Variants in SLC24A3 observed in about 807,000 individuals in gnomAD.
The protein encoded by SLC24A3 is solute carrier family 24 member 3.
SLC24A3 carries 28 observed loss-of-function variants against 75.8 expected under a neutral mutation model. The observed-to-expected ratio is 0.37, with a 90% CI of 0.27 to 0.51. The LOEUF is 0.51. SLC24A3 is among the 20% of genes least tolerant of loss of function. The pLI is 0.94. For synonymous variants in SLC24A3, 372 were observed against 334.1 expected (o/e 1.11, Z -1.24); for missense variants, 663 against 847.8 (o/e 0.78, Z 2.71).
intron 2 of SLC24A3, among the ~76,000 whole-genome samples, chr20:19,410,295 C>G (rs1266546625): frequency 2.0e-5 from 3 of 152,146 alleles, no homozygotes; most frequent in Admixed American, 2.0e-4. Context: ...AGGCATTAGA[C>G]AGTGTCCTTG....
Position 19,654,105 on chromosome 20 carries a change from A to G in SLC24A3, c.656A>G (p.Tyr219Cys). ...SSWCLLRDSI[Y>C]YTLSVIALIV... is the part of the protein sequence containing the mutation. ...TGGTGCCTGCTGAGGGATTCTATTT[A>G]CTACACGCTGTCTGTGATCGCGCTC... Residue 219 changes from tyrosine to cysteine, a missense_variant, in exon 7 of 17, where the codon TAC becomes TGC. This residue lies in a region of SLC24A3 where 510 missense variants were observed against 703.6 expected (regional missense o/e 0.72). Coordinates refer to ENST00000328041, the MANE Select transcript of SLC24A3 (RefSeq NM_020689.4). The G allele has an allele frequency of 1.2e-6, 2 of 1,613,668 alleles. No homozygotes were observed. The highest frequency in any genetic ancestry group is 1.7e-6 in the Non-Finnish European group (2 of 1,179,738).
chr20:19,264,831 C>T (rs1192165716), intron 1 of SLC24A3, among the ~76,000 whole-genome samples: 1 of 152,060 alleles, frequency 6.6e-6, no homozygotes, highest in Non-Finnish European at 1.5e-5. Context: ...GCCACAGCCT[C>T]ATTCTTCACG....
intron 6 of SLC24A3, among the ~76,000 whole-genome samples, chr20:19,637,366 G>A (rs1038997053): frequency 6.6e-6 from 1 of 152,124 alleles, no homozygotes; most frequent in Admixed American, 6.5e-5. Context: ...ATAATGAAAA[G>A]GACCAAAATA....
At chr20:19,710,814 T>C (rs1276550566) in intron 15 of SLC24A3, among the ~76,000 whole-genome samples, 1 of 152,258 alleles carries the variant, frequency 6.6e-6, no homozygotes, top group Non-Finnish European at 1.5e-5. Context: ...TACATGAGTA[T>C]AGGTATTTGT....
chr20:19,346,224 A>ATATATGGTATATATATATGGTGTATATG (rs1985413835), intron 2 of SLC24A3, among the ~76,000 whole-genome samples: 1 of 96,080 alleles, frequency 1.0e-5, no homozygotes, highest in Non-Finnish European at 1.9e-5. Flanking sequence ...GTGTATATGT[A>ATATATGGTATATATATATGGTGTATATG]TATATGGTAT....
chr20:19,405,712 CAA>C (rs903620600), intron 2 of SLC24A3, among the ~76,000 whole-genome samples: 18 of 152,132 alleles, frequency 1.2e-4, no homozygotes, highest in African/African-American at 4.3e-4. Flanking sequence ...CAGTTTAAAA[CAA>C]AATCACAAGC....
At chr20:19,346,434 G>T (rs1985431695) in intron 2 of SLC24A3, among the ~76,000 whole-genome samples, 1 of 146,444 alleles carries the variant, frequency 6.8e-6, no homozygotes, top group Non-Finnish European at 1.5e-5. Flanking sequence ...TGTATATATG[G>T]TGTATATATA....
At chr20:19,446,416 A>G (rs1416822536) in intron 2 of SLC24A3, among the ~76,000 whole-genome samples, 1 of 152,238 alleles carries the variant, frequency 6.6e-6, no homozygotes, top group African/African-American at 2.4e-5. Flanking sequence ...TTCTCCATCC[A>G]TGGATTGCAT....
At chr20:19,601,505 C>T (rs952364349) in intron 6 of SLC24A3, among the ~76,000 whole-genome samples, 1 of 152,192 alleles carries the variant, frequency 6.6e-6, no homozygotes, top group Non-Finnish European at 1.5e-5. Flanking sequence ...AGATCACAGA[C>T]CCAGGGTGAA....
chr20:19,578,945 C>T (rs1325654803), intron 3 of SLC24A3, among the ~76,000 whole-genome samples: 1 of 152,088 alleles, frequency 6.6e-6, no homozygotes, highest in Admixed American at 6.5e-5. Flanking sequence ...AATGAGGGCT[C>T]CCAGCTTCCT....
chr20:19,533,990 G>A (rs1302486545), intron 3 of SLC24A3, among the ~76,000 whole-genome samples: 1 of 152,226 alleles, frequency 6.6e-6, no homozygotes, highest in Non-Finnish European at 1.5e-5. Context: ...AAGAACAGAA[G>A]CCCTGGGGCA....
intron 12 of SLC24A3, among the ~76,000 whole-genome samples, chr20:19,686,388 A>C (rs1339910159): frequency 6.6e-6 from 1 of 151,866 alleles, no homozygotes; most frequent in Non-Finnish European, 1.5e-5. Context: ...GTTTCACCCC[A>C]CCCCACCCAT....
chr20:19,272,236 AGGG>A (rs1983351742), intron 1 of SLC24A3, among the ~76,000 whole-genome samples: 1 of 152,252 alleles, frequency 6.6e-6, no homozygotes, highest in African/African-American at 2.4e-5. Context: ...GTTGCCCCTC[AGGG>A]TCTGGGAGCA....
chr20:19,391,490 C>T (rs1056433828), intron 2 of SLC24A3, among the ~76,000 whole-genome samples: 1 of 152,200 alleles, frequency 6.6e-6, no homozygotes, highest in Non-Finnish European at 1.5e-5. Context: ...CAGTGGATCT[C>T]AGACTGGTGT....
intron 2 of SLC24A3, among the ~76,000 whole-genome samples, chr20:19,322,954 T>C (rs941076896): frequency 4.6e-5 from 7 of 151,862 alleles, no homozygotes; most frequent in African/African-American, 7.3e-5. Context: ...CGCCTGTAAT[T>C]CCAGCACTTT....
intron 7 of SLC24A3, among the ~76,000 whole-genome samples, chr20:19,663,630 A>G (rs2032364892): frequency 1.3e-5 from 2 of 151,286 alleles, no homozygotes. Context: ...GATCACCTGC[A>G]TTTCTCTTTC....
intron 2 of SLC24A3, among the ~76,000 whole-genome samples, chr20:19,291,328 G>A (rs543235488): frequency 3.0e-4 from 45 of 152,186 alleles, no homozygotes; most frequent in Non-Finnish European, 6.2e-4. Context: ...GAACAATGGG[G>A]GTGGCCTGTC....
intron 6 of SLC24A3, among the ~76,000 whole-genome samples, chr20:19,620,032 C>T (rs566289748): frequency 2.0e-5 from 3 of 152,116 alleles, no homozygotes; most frequent in Non-Finnish European, 4.4e-5. Context: ...GCCCACCAAC[C>T]CTCTTTTGCA....
At chr20:19,310,216 T>C (rs1223945290) in intron 2 of SLC24A3, among the ~76,000 whole-genome samples, 1 of 152,196 alleles carries the variant, frequency 6.6e-6, no homozygotes, top group Non-Finnish European at 1.5e-5. Flanking sequence ...TGCCACATTC[T>C]AAACCCTTGC....
Sources: allele counts gnomAD v4.1 joint callset (sites outside exome capture counted in the v4.1 genomes callset), GRCh38; gene constraint gnomAD v4.1.1; regional missense constraint gnomAD v4.1.1; transcripts MANE v1.5; gene names NCBI Gene and HGNC (gene_info 2026-07-23, HGNC 2026-07-21).